Variants in CCDC28A observed in about 807,000 individuals in gnomAD.
CCDC28A encodes coiled-coil domain containing 28A.
CCDC28A carries 24 observed loss-of-function variants against 22.1 expected under a neutral mutation model. The ratio of observed to expected loss-of-function variants is 1.09; its 90% CI spans 0.79 to 1.53. The LOEUF is 1.53. CCDC28A is among the 40% of genes most tolerant of loss of function. CCDC28A has a pLI of 0.00. For missense variants in CCDC28A, 170 were observed against 210.7 expected (o/e 0.81, Z 1.20); for synonymous variants, 83 against 74.7 (o/e 1.11, Z -0.57).
chr6:138,779,597 AT>A (rs1217396371), intron 2 of CCDC28A, among the ~76,000 whole-genome samples: 2 of 152,194 alleles, frequency 1.3e-5, no homozygotes, highest in Non-Finnish European at 2.9e-5. Flanking sequence ...AAATGTATTA[AT>A]CAAACTTTTT....
At chr6:138,786,598 A>G (rs1379731117) in intron 4 of CCDC28A, among the ~76,000 whole-genome samples, 3 of 152,052 alleles carry the variant, frequency 2.0e-5, no homozygotes, top group Non-Finnish European at 2.9e-5. Context: ...CAGTCTTGCA[A>G]GTATTTCCAT....
intron 5 of CCDC28A, 73 bp from the exon 6 acceptor site, chr6:138,792,676 C>T: frequency 1.1e-6 from 1 of 940,070 alleles, no homozygotes; most frequent in Non-Finnish European, 1.7e-6. Flanking sequence ...CTCTTTGCTC[C>T]TGAATGTAAT....
intron 4 of CCDC28A, among the ~76,000 whole-genome samples, chr6:138,786,093 G>A (rs11155002): frequency 0.24 from 36,597 of 152,144 alleles, 5,455 homozygotes; most frequent in East Asian, 0.6. Flanking sequence ...GCTCAGGGTG[G>A]CAGGGTTGCT....
intron 2 of CCDC28A, among the ~76,000 whole-genome samples, chr6:138,777,175 C>A (rs898672178): frequency 2.6e-5 from 4 of 152,190 alleles, no homozygotes; most frequent in African/African-American, 9.7e-5. Flanking sequence ...CTCACCCTGG[C>A]AAGTTAGCTA....
chr6:138,793,225 A>G lies in CCDC28A; in HGVS notation c.*422A>G, dbSNP rs1775200593. 1 of 164,344 alleles carries G rather than the reference A, an allele frequency of 6.1e-6. No homozygotes were observed. Among genetic ancestry groups the G allele is most frequent in the Non-Finnish European group, 1.3e-5 (1 of 75,652 alleles). The allele number at this position is 164,344 out of a possible 1,614,324, so 10.2% of individuals were successfully genotyped here. Reference sequence around the variant, plus strand: ...TCAGTTTATGTTAGACAATCAGTACACATGCTGGTGTGTTTTCCAATGGCC... The same window carrying G: ...TCAGTTTATGTTAGACAATCAGTACGCATGCTGGTGTGTTTTCCAATGGCC... On this transcript the variant is annotated 3_prime_UTR_variant, in exon 6 of 6. Transcript: ENST00000617445.
chr6:138,781,833 C>T (rs561906051), intron 3 of CCDC28A, among the ~76,000 whole-genome samples: 5 of 152,252 alleles, frequency 3.3e-5, no homozygotes, highest in African/African-American at 1.2e-4. Flanking sequence ...TGTGTCTGTG[C>T]ACTTTGTTTA....
At chr6:138,785,170 C>A in intron 3 of CCDC28A, 57 bp from the exon 4 acceptor site, 1 of 1,247,538 alleles carries the variant, frequency 8.0e-7, no homozygotes, top group Non-Finnish European at 1.1e-6. Context: ...TGTTTTTACT[C>A]AATGCTGTTA....
intron 3 of CCDC28A, 46 bp from the exon 4 acceptor site, chr6:138,785,181 G>C (rs750095345): frequency 1.4e-6 from 2 of 1,453,348 alleles, no homozygotes; most frequent in East Asian, 2.3e-5. Context: ...AATGCTGTTA[G>C]TTTGAACTGT....
intron 4 of CCDC28A, among the ~76,000 whole-genome samples, chr6:138,786,436 C>T (rs187351078): frequency 2.6e-5 from 4 of 152,246 alleles, no homozygotes; most frequent in South Asian, 2.1e-4. Context: ...ATTCAACACA[C>T]GTTAGTTTTA....
In CCDC28A at chr6:138,784,874, A is replaced by G. The variant is rs150463609; in HGVS notation, c.323-353A>G. Among the ~76,000 whole-genome samples, 436 of 152,148 alleles carry G rather than the reference A, an allele frequency of 2.9e-3. 3 individuals are homozygous for G. The highest frequency in any genetic ancestry group is 0.01 in the African/African-American group (422 of 41,512). ...ATGCCCAGCTAATTTTTGTATTTTT[A>G]GTAGAGACTAGGTTTCACCATGTTG... On this transcript the variant is annotated intron_variant, in intron 3 of 5. Coordinates refer to ENST00000617445, the MANE Select transcript of CCDC28A (RefSeq NM_015439.3).
chr6:138,776,194 A>G lies in CCDC28A; in HGVS notation c.74A>G (p.Lys25Arg), dbSNP rs1478835308. 6.2e-7 allele frequency: 1 copy of G among 1,614,056 alleles called. No homozygotes were observed. The highest frequency in any genetic ancestry group is 1.3e-5 in the African/African-American group (1 of 75,028). ...CACTGTACTCAGGTTGTCAATGCCA[A>G]AAAAAATGCCATTCCAGTGAGTAAA... is the stretch of plus-strand genomic sequence containing the variant. The part of the protein sequence containing the change: ...SAHCTQVVNA[K>R]KNAIPVSKST... The change falls in exon 2 of 6, where the codon AAA becomes AGA. Residue 25 changes from lysine (K) to arginine (R), a missense_variant. By Grantham distance (26) the Lys-to-Arg change is conservative. Transcript: ENST00000617445.
chr6:138,775,992 CT>C (rs1196862123), intron 1 of CCDC28A, 86 bp from the exon 2 acceptor site: 9 of 1,125,264 alleles, frequency 8.0e-6, no homozygotes, highest in South Asian at 6.6e-5. Context: ...TCTTGATCCT[CT>C]TTTGACCCTG....
chr6:138,787,143 G>A (rs1775106189), intron 4 of CCDC28A, among the ~76,000 whole-genome samples: 1 of 152,164 alleles, frequency 6.6e-6, no homozygotes, highest in Non-Finnish European at 1.5e-5. Context: ...AAATGCTGTA[G>A]TCTAAATGTT....
intron 3 of CCDC28A, 73 bp downstream of exon 3, chr6:138,780,058 T>C: frequency 1.8e-6 from 2 of 1,136,818 alleles, no homozygotes; most frequent in Non-Finnish European, 2.4e-6. Context: ...TGTATTTTAC[T>C]CTTCTTTTCA....
At position 138,785,287 on chromosome 6, in the gene CCDC28A, G is replaced by T; in HGVS notation, c.383G>T (p.Arg128Leu). 6.2e-7 allele frequency: 1 copy of T among 1,613,168 alleles called. No individual in the cohort carries two copies. Among genetic ancestry groups the T allele is most frequent in the Non-Finnish European group, 8.5e-7 (1 of 1,179,216 alleles). Residue 128 changes from arginine (R) to leucine (L), a missense_variant, in exon 4 of 6, where the codon CGC becomes CTC. Transcript: ENST00000617445. The stretch of plus-strand genomic sequence containing the variant: ...CGGGGAATGCAGGAGAAATTAGCTC[G>T]CTTGAATTTGGAGCTCTATGGGGAG... Reference protein sequence around the residue: ...HVRGMQEKLARLNLELYGELE... With the variant: ...HVRGMQEKLALLNLELYGELE...
chr6:138,792,695 A>G lies in CCDC28A; in HGVS notation c.501-54A>G, dbSNP rs1775189621. On this transcript the variant is annotated intron_variant, in intron 5 of 5. Coordinates refer to ENST00000617445, the MANE Select transcript of CCDC28A (RefSeq NM_015439.3). Reference sequence around the variant, plus strand: ...TTGCTCCTGAATGTAATTTTCAGAAATGTAAAAGAAGTACCCCTTATAGAA... The same window carrying G: ...TTGCTCCTGAATGTAATTTTCAGAAGTGTAAAAGAAGTACCCCTTATAGAA... 3.6e-6 allele frequency: 4 copies of G among 1,096,408 alleles called. No homozygotes were observed. In the East Asian group the frequency reaches 7.1e-5, roughly 19 times the overall value. 67.9% of individuals were successfully genotyped at this position (1,096,408 alleles called of 1,614,324 possible).
At chr6:138,787,974 T>C (rs1269365624) in intron 4 of CCDC28A, among the ~76,000 whole-genome samples, 1 of 148,496 alleles carries the variant, frequency 6.7e-6, no homozygotes, top group Non-Finnish European at 1.5e-5. Flanking sequence ...TTTTTTTTTT[T>C]TTTTCGACAC....
rs538802554 is a variant in CCDC28A at position 138,792,032 on chromosome 6, A to G, written c.501-717A>G. Among the ~76,000 whole-genome samples the G allele has an allele frequency of 4.2e-4, 64 of 152,334 alleles. No homozygotes were observed. In the South Asian group the frequency reaches 8.9e-3, roughly 21 times the overall value. On this transcript the variant is annotated intron_variant, in intron 5 of 5. Transcript: ENST00000617445. The stretch of plus-strand genomic sequence containing the variant: ...GTAATTCATGCAAGATTCCCGTCCT[A>G]TTTCCAGTCTTCTTGAGGAACAATT...
chr6:138,791,979 G>A (rs770602343), intron 5 of CCDC28A, among the ~76,000 whole-genome samples: 54 of 152,302 alleles, frequency 3.5e-4, no homozygotes, highest in Non-Finnish European at 7.4e-4. Flanking sequence ...TGAGAAAAAT[G>A]AAAGACAGTG....
Sources: gnomAD v4.1 joint callset for allele counts (sites outside exome capture counted in the v4.1 genomes callset) on GRCh38, gnomAD v4.1.1 for gene constraint, MANE v1.5 for transcripts, NCBI Gene and HGNC (gene_info 2026-07-23, HGNC 2026-07-21) for gene names.